The following CACNA2D3 variants were observed in gnomAD, a reference collection of about 807,000 sequenced individuals.
CACNA2D3 encodes voltage-dependent calcium channel subunit alpha-2/delta-3.
CACNA2D3 carries 60 observed loss-of-function variants against 160.6 expected under a neutral mutation model. The ratio of observed to expected loss-of-function variants is 0.37; its 90% CI spans 0.30 to 0.46. CACNA2D3 has a LOEUF of 0.46. Among genes scored for constraint, CACNA2D3 ranks in the 20% least tolerant of loss-of-function variants. The pLI is 1.00. For missense variants in CACNA2D3, 1,205 were observed against 1,365.0 expected (o/e 0.88, Z 1.85); for synonymous variants, 558 against 492.9 (o/e 1.13, Z -1.75).
intron 17 of CACNA2D3, among the ~76,000 whole-genome samples, chr3:54,864,036 A>G (rs1377535805): frequency 6.6e-6 from 1 of 152,072 alleles, no homozygotes; most frequent in Non-Finnish European, 1.5e-5. Context: ...CTCTTGGCAT[A>G]ATGTCTATGT....
At chr3:54,331,716 T>C (rs1704260702) in intron 3 of CACNA2D3, among the ~76,000 whole-genome samples, 1 of 152,248 alleles carries the variant, frequency 6.6e-6, no homozygotes, top group Admixed American at 6.5e-5. Context: ...GAATCTTTCT[T>C]TTTTAAAGTT....
At chr3:54,808,897 G>A (rs752105454) in intron 13 of CACNA2D3, among the ~76,000 whole-genome samples, 4 of 152,250 alleles carry the variant, frequency 2.6e-5, no homozygotes, top group Admixed American at 2.6e-4. Context: ...ATACGCTATC[G>A]GATTGGAGCC....
chr3:54,503,686 G>T (rs1322006092), intron 5 of CACNA2D3, 32 bp downstream of exon 5: 14 of 1,602,646 alleles, frequency 8.7e-6, no homozygotes, highest in South Asian at 2.2e-5. Context: ...CCTTTTAGAA[G>T]GTGAAGAATC....
At chr3:54,930,446 CT>C (rs1341414152) in intron 27 of CACNA2D3, among the ~76,000 whole-genome samples, 1 of 152,190 alleles carries the variant, frequency 6.6e-6, no homozygotes, top group African/African-American at 2.4e-5. Context: ...TTAAATACCT[CT>C]TTAGGTTATA....
At chr3:55,056,910 A>T (rs573924274) in intron 35 of CACNA2D3, among the ~76,000 whole-genome samples, 1 of 152,346 alleles carries the variant, frequency 6.6e-6, no homozygotes, top group South Asian at 2.1e-4. Context: ...AGTTAATAAT[A>T]GTGTATTGTA....
intron 2 of CACNA2D3, among the ~76,000 whole-genome samples, chr3:54,175,220 A>G (rs1327573425): frequency 1.3e-5 from 2 of 152,116 alleles, no homozygotes; most frequent in Admixed American, 1.3e-4. Context: ...AGGGGGCCCC[A>G]TTGTGTAAGT....
chr3:55,002,133 G>C (rs1490399626), intron 31 of CACNA2D3, among the ~76,000 whole-genome samples: 1 of 150,544 alleles, frequency 6.6e-6, no homozygotes, highest in Non-Finnish European at 1.5e-5. Context: ...TCCAGCTTGG[G>C]TGACAGAGAG....
intron 9 of CACNA2D3, among the ~76,000 whole-genome samples, chr3:54,605,262 A>T (rs1184408546): frequency 6.6e-6 from 1 of 152,202 alleles, no homozygotes; most frequent in Non-Finnish European, 1.5e-5. Context: ...AGGACTGAGG[A>T]TTAGGGCTTC....
chr3:54,205,312 C>T (rs1015699884), intron 2 of CACNA2D3, among the ~76,000 whole-genome samples: 3 of 152,034 alleles, frequency 2.0e-5, no homozygotes, highest in Non-Finnish European at 4.4e-5. Context: ...AGGCTGGTCT[C>T]GAACTCCTGA....
intron 3 of CACNA2D3, among the ~76,000 whole-genome samples, chr3:54,346,787 C>T (rs746680212): frequency 9.2e-5 from 14 of 152,090 alleles, no homozygotes; most frequent in African/African-American, 1.4e-4. Flanking sequence ...CCGTCATTAC[C>T]GTATCATACA....
At chr3:54,136,007 T>C (rs913163482) in intron 2 of CACNA2D3, among the ~76,000 whole-genome samples, 1 of 152,220 alleles carries the variant, frequency 6.6e-6, no homozygotes, top group East Asian at 1.9e-4. Flanking sequence ...CTGAGCCCCA[T>C]GCCTTGTCTG....
intron 3 of CACNA2D3, among the ~76,000 whole-genome samples, chr3:54,354,180 A>G (rs1487286366): frequency 6.6e-6 from 1 of 152,104 alleles, no homozygotes; most frequent in Non-Finnish European, 1.5e-5. Flanking sequence ...AGAATTTGGA[A>G]GCGGAGGAAT....
intron 2 of CACNA2D3, among the ~76,000 whole-genome samples, chr3:54,128,771 CTG>C (rs1331817677): frequency 6.6e-6 from 1 of 152,112 alleles, no homozygotes; most frequent in African/African-American, 2.4e-5. Context: ...CCCTGGGACA[CTG>C]TGATTTGACT....
intron 4 of CACNA2D3, among the ~76,000 whole-genome samples, chr3:54,459,885 G>A (rs888407494): frequency 2.6e-5 from 4 of 151,966 alleles, no homozygotes; most frequent in Admixed American, 6.6e-5. Context: ...AGGTTTTCTT[G>A]TAGGGTTTTT....
At chr3:54,874,415 G>A (rs531997019) in intron 18 of CACNA2D3, among the ~76,000 whole-genome samples, 19 of 152,110 alleles carry the variant, frequency 1.2e-4, no homozygotes, top group African/African-American at 3.9e-4. Context: ...TAAAAATAGC[G>A]TTTATCCTTT....
chr3:54,809,221 C>G (rs571366228), intron 13 of CACNA2D3, among the ~76,000 whole-genome samples: 88 of 150,926 alleles, frequency 5.8e-4, no homozygotes, highest in African/African-American at 1.8e-3. Context: ...TCCTTCTGCT[C>G]TCATTTCTCT....
At chr3:54,237,008 C>CTT (rs74553858) in intron 2 of CACNA2D3, among the ~76,000 whole-genome samples, 2,420 of 140,822 alleles carry the variant, frequency 0.017, 65 homozygotes, top group African/African-American at 0.059. Flanking sequence ...CCTGAAACTT[C>CTT]TTTTTTTTTT....
intron 13 of CACNA2D3, among the ~76,000 whole-genome samples, chr3:54,774,820 G>C (rs530214121): frequency 3.3e-5 from 5 of 151,602 alleles, no homozygotes; most frequent in Non-Finnish European, 7.4e-5. Context: ...ATTTTTAGTA[G>C]AGACAGGGTT....
At position 54,885,312 on chromosome 3, in the gene CACNA2D3, C is replaced by T. The variant is rs373626753; in HGVS notation, c.1944C>T (p.Ser648=). 3 of 1,613,908 alleles carry T rather than the reference C, an allele frequency of 1.9e-6. No individual in the cohort carries two copies. Among genetic ancestry groups the T allele is most frequent in the Non-Finnish European group, 2.5e-6 (3 of 1,179,846 alleles). Residue 648 remains serine, a synonymous_variant, in exon 22 of 38, where the codon TCC becomes TCT. Transcript: ENST00000474759. ...GLHDLEHPDV[S]LADEWSYCNT... ...ATGACTTAGAACATCCCGATGTGTC[C>T]TTGGCAGATGAATGGTAAGAATTAA...
Sources: allele counts gnomAD v4.1 joint callset (sites outside exome capture counted in the v4.1 genomes callset), GRCh38; gene constraint gnomAD v4.1.1; transcripts MANE v1.5; gene names NCBI Gene and HGNC (gene_info 2026-07-23, HGNC 2026-07-21).